SPIDR: variants seen among roughly 807,000 people sequenced by gnomAD.
SPIDR encodes the protein DNA repair-scaffolding protein.
In SPIDR, 93 loss-of-function variants were observed where a neutral mutation model predicts 104.6. The ratio of observed to expected loss-of-function variants is 0.89; its 90% CI spans 0.75 to 1.06. SPIDR has a LOEUF of 1.06. Ranked by LOEUF, SPIDR falls within the 50% of genes least tolerant of loss-of-function variation. The pLI is 0.00. For missense variants in SPIDR, 1,154 were observed against 1,111.2 expected, an observed-to-expected ratio of 1.04 and a Z score of -0.55; for synonymous variants, 431 against 416.9, an observed-to-expected ratio of 1.03 and a Z score of -0.41.
intron 8 of SPIDR, chr8:47,511,990 G>C: frequency 1.3e-6 from 1 of 787,224 alleles, no homozygotes; most frequent in Admixed American, 1.8e-5. Context: ...CTGTGAAATG[G>C]TTATGATGTC....
chr8:47,403,378 T>G (rs952485816), intron 6 of SPIDR, among the ~76,000 whole-genome samples: 3 of 152,086 alleles, frequency 2.0e-5, no homozygotes, highest in Admixed American at 1.3e-4. Context: ...GAGAAAGAAA[T>G]AAAGGGTGTT....
At chr8:47,287,830 G>T (rs1371406443) in intron 3 of SPIDR, among the ~76,000 whole-genome samples, 1 of 152,130 alleles carries the variant, frequency 6.6e-6, no homozygotes, top group Non-Finnish European at 1.5e-5. Flanking sequence ...CACGATAGTG[G>T]TCCTGAGGTG....
chr8:47,428,702 G>C (rs1188013267), intron 7 of SPIDR, among the ~76,000 whole-genome samples: 2 of 152,122 alleles, frequency 1.3e-5, no homozygotes, highest in Non-Finnish European at 2.9e-5. Context: ...CTTTTAAAAA[G>C]TCATTTAAAA....
intron 8 of SPIDR, among the ~76,000 whole-genome samples, chr8:47,513,672 G>A (rs930543231): frequency 1.5e-4 from 23 of 152,204 alleles, no homozygotes; most frequent in African/African-American, 5.5e-4. Flanking sequence ...TCCAGCAACA[G>A]TAGGACTTGA....
At chr8:47,352,399 C>T (rs1221141863) in intron 5 of SPIDR, among the ~76,000 whole-genome samples, 1 of 152,062 alleles carries the variant, frequency 6.6e-6, no homozygotes, top group African/African-American at 2.4e-5. Context: ...TGTGTCTTAG[C>T]CTAGACATTG....
At chr8:47,391,909 CG>C (rs1223865315) in intron 5 of SPIDR, among the ~76,000 whole-genome samples, 2 of 148,234 alleles carry the variant, frequency 1.3e-5, no homozygotes, top group African/African-American at 2.5e-5. Flanking sequence ...GGCAGGAGAA[CG>C]GCGTGAACCT....
chr8:47,384,016 G>A (rs534647994), intron 5 of SPIDR, among the ~76,000 whole-genome samples: 16 of 152,188 alleles, frequency 1.1e-4, no homozygotes, highest in Admixed American at 3.9e-4. Flanking sequence ...TTTAATTCTC[G>A]CAACTTACTG....
chr8:47,676,652 T>G (rs993012028), intron 11 of SPIDR, among the ~76,000 whole-genome samples: 3 of 152,248 alleles, frequency 2.0e-5, no homozygotes, highest in Non-Finnish European at 4.4e-5. Context: ...TTTCAGTATC[T>G]AATACCGAAA....
At chr8:47,429,300 C>A (rs905604241) in intron 7 of SPIDR, among the ~76,000 whole-genome samples, 8 of 152,128 alleles carry the variant, frequency 5.3e-5, no homozygotes, top group African/African-American at 1.7e-4. Flanking sequence ...GTGTGACATT[C>A]TTTGTCACAC....
At chr8:47,427,545 C>A (rs1413219484) in intron 7 of SPIDR, among the ~76,000 whole-genome samples, 2 of 152,086 alleles carry the variant, frequency 1.3e-5, no homozygotes, top group African/African-American at 4.8e-5. Flanking sequence ...TTTCCTTGGA[C>A]AAGATTATCT....
intron 4 of SPIDR, among the ~76,000 whole-genome samples, chr8:47,292,913 C>A (rs2040180022): frequency 6.6e-6 from 1 of 152,040 alleles, no homozygotes. Flanking sequence ...GAGTGCTGCA[C>A]AGATGTGTGA....
At chr8:47,334,230 G>A (rs1554606809) in intron 5 of SPIDR, among the ~76,000 whole-genome samples, 1 of 152,080 alleles carries the variant, frequency 6.6e-6, no homozygotes, top group Non-Finnish European at 1.5e-5. Context: ...TAATCTAGAG[G>A]ATATGTATTC....
At chr8:47,372,282 G>A (rs982635065) in intron 5 of SPIDR, among the ~76,000 whole-genome samples, 2 of 152,228 alleles carry the variant, frequency 1.3e-5, no homozygotes, top group Non-Finnish European at 2.9e-5. Flanking sequence ...TGTAATTAGT[G>A]TTTGATGGGT....
intron 5 of SPIDR, among the ~76,000 whole-genome samples, chr8:47,367,534 A>G (rs1462384911): frequency 6.6e-6 from 1 of 152,212 alleles, no homozygotes; most frequent in African/African-American, 2.4e-5. Context: ...GGAAACTAAC[A>G]AAGTTTTTGA....
intron 8 of SPIDR, among the ~76,000 whole-genome samples, chr8:47,488,849 T>A (rs1265713795): frequency 2.0e-5 from 3 of 152,132 alleles, no homozygotes; most frequent in Non-Finnish European, 4.4e-5. Flanking sequence ...ATGGGACGTA[T>A]CTCAAAATAA....
chr8:47,690,621 C>A (rs2078503048), intron 11 of SPIDR, among the ~76,000 whole-genome samples: 1 of 151,930 alleles, frequency 6.6e-6, no homozygotes. Context: ...AAGTTCAAGA[C>A]CAGCCTTGCC....
chr8:47,650,759 C>T (rs941518140), intron 10 of SPIDR, among the ~76,000 whole-genome samples: 1 of 152,122 alleles, frequency 6.6e-6, no homozygotes, highest in African/African-American at 2.4e-5. Context: ...AAAGTAGATA[C>T]ACAGACCACT....
chr8:47,512,522 T>G (rs2082495193), intron 8 of SPIDR, among the ~76,000 whole-genome samples: 1 of 152,222 alleles, frequency 6.6e-6, no homozygotes, highest in Non-Finnish European at 1.5e-5. Context: ...AAGGAGGTTT[T>G]AGTATAATAT....
chr8:47,650,641 T>G (rs986079550), intron 10 of SPIDR, among the ~76,000 whole-genome samples: 1 of 152,194 alleles, frequency 6.6e-6, no homozygotes, highest in Non-Finnish European at 1.5e-5. Flanking sequence ...AGAGCCTGAA[T>G]AGCCAAAGCA....
Sources: gnomAD v4.1 joint callset for allele counts (sites outside exome capture counted in the v4.1 genomes callset) on GRCh38, gnomAD v4.1.1 for gene constraint, MANE v1.5 for transcripts, NCBI Gene and HGNC (gene_info 2026-07-23, HGNC 2026-07-21) for gene names.